The following CCSER1 variants were observed in gnomAD, a reference collection of about 807,000 sequenced individuals.
The protein encoded by CCSER1 is serine-rich coiled-coil domain-containing protein 1.
In CCSER1, 41 loss-of-function variants were observed where a neutral mutation model predicts 82.0. The observed-to-expected ratio is 0.50, with a 90% CI of 0.39 to 0.65. The LOEUF (loss-of-function observed/expected upper bound fraction) is 0.65. Among genes scored for constraint, CCSER1 ranks in the 30% least tolerant of loss-of-function variants. The pLI is 0.00. For missense variants in CCSER1, 1,119 were observed against 1,064.2 expected (o/e 1.05, Z -0.72); for synonymous variants, 414 against 383.9 (o/e 1.08, Z -0.92).
intron 10 of CCSER1, among the ~76,000 whole-genome samples, chr4:91,183,034 G>T (rs529551222): frequency 6.6e-6 from 1 of 152,230 alleles, no homozygotes; most frequent in Non-Finnish European, 1.5e-5. Context: ...TAGCAACTAG[G>T]TGGTCAGCCT....
At chr4:90,931,251 G>T (rs1239423463) in intron 9 of CCSER1, among the ~76,000 whole-genome samples, 2 of 151,384 alleles carry the variant, frequency 1.3e-5, no homozygotes, top group African/African-American at 2.4e-5. Context: ...TCCTATTATA[G>T]AAGTTAGAAT....
chr4:91,209,052 A>G (rs895414349), intron 10 of CCSER1, among the ~76,000 whole-genome samples: 2 of 151,942 alleles, frequency 1.3e-5, no homozygotes, highest in African/African-American at 4.8e-5. Context: ...TAATTTTTGT[A>G]CATTAATTTT....
At chr4:91,540,633 A>G (rs764961195) in intron 10 of CCSER1, among the ~76,000 whole-genome samples, 2 of 152,000 alleles carry the variant, frequency 1.3e-5, no homozygotes, top group Non-Finnish European at 2.9e-5. Context: ...GCCATACCCA[A>G]TCTAGGTTTT....
chr4:91,197,452 G>A (rs1404337648), intron 10 of CCSER1, among the ~76,000 whole-genome samples: 3 of 152,200 alleles, frequency 2.0e-5, no homozygotes, highest in Non-Finnish European at 4.4e-5. Flanking sequence ...GGAGCCGCAT[G>A]TGACTGTTGG....
At chr4:90,847,186 G>T (rs1396237808) in intron 8 of CCSER1, among the ~76,000 whole-genome samples, 1 of 152,166 alleles carries the variant, frequency 6.6e-6, no homozygotes, top group Non-Finnish European at 1.5e-5. Context: ...ACAACTTGGT[G>T]ATCAAAGGAG....
chr4:91,100,712 A>G (rs1161526704), intron 10 of CCSER1, among the ~76,000 whole-genome samples: 2 of 152,158 alleles, frequency 1.3e-5, no homozygotes, highest in African/African-American at 2.4e-5. Flanking sequence ...TAAGGACTAT[A>G]GGTTTTGTAA....
intron 1 of CCSER1, among the ~76,000 whole-genome samples, chr4:90,209,943 T>C (rs1477091847): frequency 6.6e-6 from 1 of 152,176 alleles, no homozygotes; most frequent in Admixed American, 6.5e-5. Flanking sequence ...GTTTGTGCAG[T>C]ACTTTAATCA....
rs372864026 is a variant in CCSER1 at position 91,309,600 on chromosome 4, ACAGTGTTACATGTTATAGAG to A, written c.2217+223609_2217+223628del. 4.4e-3 allele frequency among the ~76,000 whole-genome samples: 667 copies of A among 152,144 alleles called. 8 individuals carry two copies. The highest frequency in any genetic ancestry group is 0.015 in the African/African-American group (616 of 41,562). ...TGCCACAAATGAATGTTTGCTTAAG[ACAGTGTTACATGTTATAGAG>A]CAATACTACATAAAAGGCTTGCAGC... On this transcript the variant is annotated intron_variant, in intron 10 of 10. Transcript: ENST00000509176.
chr4:90,567,629 A>C (rs1216065094), intron 5 of CCSER1, among the ~76,000 whole-genome samples: 3 of 135,574 alleles, frequency 2.2e-5, no homozygotes, highest in Non-Finnish European at 4.7e-5. Context: ...TTTTTTTGAC[A>C]AGGTCTTACT....
intron 9 of CCSER1, among the ~76,000 whole-genome samples, chr4:91,051,982 GA>G (rs1561504658): frequency 6.6e-6 from 1 of 151,878 alleles, no homozygotes; most frequent in Non-Finnish European, 1.5e-5. Flanking sequence ...AAGCTCAAAG[GA>G]AAAGACATGC....
At chr4:91,445,468 C>A (rs539379509) in intron 10 of CCSER1, among the ~76,000 whole-genome samples, 1 of 151,070 alleles carries the variant, frequency 6.6e-6, no homozygotes, top group Non-Finnish European at 1.5e-5. Context: ...TTCTCCCAAG[C>A]GGTCACAGTG....
At chr4:91,325,262 C>A in intron 10 of CCSER1, 1 of 415,802 alleles carries the variant, frequency 2.4e-6, no homozygotes, top group Non-Finnish European at 4.7e-6. Flanking sequence ...GGGTCCTAGG[C>A]AGGAAGAAGA....
chr4:91,036,965 T>C (rs1362407789), intron 9 of CCSER1, among the ~76,000 whole-genome samples: 2 of 151,958 alleles, frequency 1.3e-5, no homozygotes, highest in Non-Finnish European at 2.9e-5. Context: ...GTAATCTCGC[T>C]ACTCAGGAGG....
intron 4 of CCSER1, among the ~76,000 whole-genome samples, chr4:90,446,742 C>T (rs775209765): frequency 6.6e-5 from 10 of 152,116 alleles, no homozygotes; most frequent in Admixed American, 1.3e-4. Context: ...ACAACTTTTG[C>T]GGAATGTGCC....
chr4:91,217,907 C>A (rs1737390155), intron 10 of CCSER1, among the ~76,000 whole-genome samples: 1 of 152,254 alleles, frequency 6.6e-6, no homozygotes. Flanking sequence ...GCTGGCTTCA[C>A]CTAGTGGATC....
chr4:90,587,668 G>T lies in CCSER1; in HGVS notation c.1725-40357G>T, dbSNP rs930441702. ...GATCCTAGATTAAGCCTCTGTGCCT[G>T]TCCCTACAACCTGTACTTTTACCAC... On this transcript the variant is annotated intron_variant, in intron 5 of 10. Transcript: ENST00000509176. Among the ~76,000 whole-genome samples the T allele has an allele frequency of 5.9e-5, 9 of 152,246 alleles. 1 individual carries two copies. The highest frequency in any genetic ancestry group is 5.9e-4 in the Admixed American group (9 of 15,286).
At chr4:91,140,801 T>C (rs1728949933) in intron 10 of CCSER1, among the ~76,000 whole-genome samples, 1 of 152,176 alleles carries the variant, frequency 6.6e-6, no homozygotes, top group African/African-American at 2.4e-5. Context: ...TTTCTTTTAT[T>C]ACTTTTTAAA....
intron 7 of CCSER1, among the ~76,000 whole-genome samples, chr4:90,802,029 C>A (rs932993097): frequency 4.0e-5 from 6 of 151,664 alleles, no homozygotes; most frequent in Admixed American, 2.0e-4. Flanking sequence ...ATCAACCTGG[C>A]CAATATGGTG....
At chr4:90,308,064 G>A (rs981030928) in intron 1 of CCSER1, among the ~76,000 whole-genome samples, 180 bp from the exon 2 acceptor site, 1 of 151,968 alleles carries the variant, frequency 6.6e-6, no homozygotes, top group East Asian at 1.9e-4. Context: ...ACTAGCTATT[G>A]GGTCATTTTT....
Sources: allele counts gnomAD v4.1 joint callset (sites outside exome capture counted in the v4.1 genomes callset), GRCh38; gene constraint gnomAD v4.1.1; transcripts MANE v1.5; gene names NCBI Gene and HGNC (gene_info 2026-07-23, HGNC 2026-07-21).